Variants in TNRC18 observed in about 807,000 individuals in gnomAD.
The protein encoded by TNRC18 is trinucleotide repeat containing 18.
TNRC18 carries 69 observed loss-of-function variants against 226.7 expected under a neutral mutation model. The ratio of observed to expected loss-of-function variants is 0.30; its 90% CI spans 0.25 to 0.37. TNRC18 has a LOEUF of 0.37. TNRC18 is among the 10% of genes least tolerant of loss of function. The pLI, the probability that TNRC18 is intolerant of heterozygous loss-of-function variation, is 1.00. For missense variants in TNRC18, 4,754 were observed against 4,256.6 expected, an observed-to-expected ratio of 1.12 and a Z score of -3.25; for synonymous variants, 2,449 against 1,927.6, an observed-to-expected ratio of 1.27 and a Z score of -7.09.
intron 5 of TNRC18, 146 bp from the exon 6 acceptor site, chr7:5,378,170 T>A (rs1351620254): frequency 2.9e-5 from 18 of 616,114 alleles, no homozygotes; most frequent in African/African-American, 2.8e-4. Context: ...CACCCCAACA[T>A]CTTTCCTTAT....
In TNRC18 at chr7:5,385,357, G is replaced by A. The variant is rs370609357; in HGVS notation, c.2152+2315C>T. ...CAAAAAATTAGCCGGGCGCGGTGGC[G>A]GGCGCCTGTAGTCCCAGCTACTGGG... On this transcript the variant is annotated intron_variant, in intron 5 of 29. Coordinates refer to ENST00000430969, the MANE Select transcript of TNRC18 (RefSeq NM_001080495.3). 5.9e-5 allele frequency among the ~76,000 whole-genome samples: 9 copies of A among 152,024 alleles called. No homozygotes were observed. The South Asian group carries it at 6.2e-4, about 11-fold the overall frequency.
intron 14 of TNRC18, among the ~76,000 whole-genome samples, chr7:5,361,370 G>A (rs1001165079): frequency 1.4e-4 from 21 of 152,228 alleles, no homozygotes; most frequent in African/African-American, 4.6e-4. Context: ...GTTAGGACAC[G>A]GGAAAAATCT....
rs140639501 is a variant in TNRC18, at chr7:5,417,361, T to C, written c.187+3699A>G. Among the ~76,000 whole-genome samples, 931 of 151,858 alleles carry C rather than the reference T, an allele frequency of 6.1e-3. 11 individuals are homozygous for C. The highest frequency in any genetic ancestry group is 0.021 in the African/African-American group (887 of 41,358). On this transcript the variant is annotated intron_variant, in intron 2 of 29. Coordinates refer to ENST00000430969, the MANE Select transcript of TNRC18 (RefSeq NM_001080495.3). ...GACACATGCCTGTAGCTCTAGCTAC[T>C]CGGGAGGCTGAGGTAGGAGGATGGA... is the stretch of plus-strand genomic sequence containing the variant.
At position 5,370,356 on chromosome 7, in the gene TNRC18, A is replaced by AG; in HGVS notation, c.4219+18dup. 6.5e-7 allele frequency: 1 copy of AG among 1,531,382 alleles called. No homozygotes were observed. The highest frequency in any genetic ancestry group is 8.8e-7 in the Non-Finnish European group (1 of 1,138,878). 94.9% of individuals were successfully genotyped at this position (1,531,382 alleles called of 1,614,324 possible). ...TAAAACTCACGAATCTGCAGAACTC[A>AG]GAGGTCGCGCACTCTCACCTCCCAT... is the stretch of plus-strand genomic sequence containing the variant. On this transcript the variant is annotated intron_variant, in intron 11 of 29. Coordinates refer to ENST00000430969, the MANE Select transcript of TNRC18 (RefSeq NM_001080495.3).
intron 15 of TNRC18, 114 bp from the exon 16 acceptor site, chr7:5,357,390 T>A: frequency 8.7e-7 from 1 of 1,146,608 alleles, no homozygotes; most frequent in South Asian, 1.6e-5. Flanking sequence ...CTCTGTGATT[T>A]AACTCCTCTT....
chr7:5,318,603 AAC>A (rs5882053), intron 24 of TNRC18, among the ~76,000 whole-genome samples: 84,499 of 150,932 alleles, frequency 0.56, 24,765 homozygotes, highest in East Asian at 0.7. Context: ...GCATGATGAG[AAC>A]ACACACACAC....
intron 18 of TNRC18, among the ~76,000 whole-genome samples, chr7:5,334,336 G>A (rs999800906): frequency 1.3e-5 from 2 of 151,200 alleles, no homozygotes; most frequent in Admixed American, 6.6e-5. Context: ...TCGCTTTGTC[G>A]CCCAGGCTGG....
Position 5,371,279 on chromosome 7 carries a change from G to A in TNRC18, c.3315C>T (p.Ala1105=), listed in dbSNP as rs747539127. 30 of 1,584,298 alleles carry A rather than the reference G, an allele frequency of 1.9e-5. 1 individual carries two copies. The East Asian group carries it at 2.7e-4, about 14-fold the overall frequency. Residue 1105 remains alanine, a synonymous_variant, in exon 11 of 30, where the codon GCC becomes GCT. Coordinates refer to ENST00000430969, the MANE Select transcript of TNRC18 (RefSeq NM_001080495.3). ...CATCAGGGGCCAAGCCGTCCGCGTC[G>A]GCGGCGGCCGTGGGCTGCAGCAGGA... ...YPFLLQPTAA[A]DADGLAPDVP...
chr7:5,382,200 G>A (rs1031242257), intron 5 of TNRC18, among the ~76,000 whole-genome samples: 1 of 152,088 alleles, frequency 6.6e-6, no homozygotes, highest in African/African-American at 2.4e-5. Flanking sequence ...ACATGGAGGC[G>A]TCATGGCTGT....
intron 18 of TNRC18, 45 bp downstream of exon 18, chr7:5,345,517 G>GCCCCCCCCACCCCCCCCCCC: frequency 2.6e-6 from 1 of 377,744 alleles, no homozygotes; most frequent in Non-Finnish European, 4.8e-6. Flanking sequence ...AATGGCGTCC[G>GCCCCCCCCACCCCCCCCCCC]CCCCTCCCAC....
chr7:5,313,792 T>C lies in TNRC18; in HGVS notation c.7099A>G (p.Ser2367Gly), dbSNP rs753700845. The C allele has an allele frequency of 7.2e-6, 11 of 1,535,134 alleles. No individual in the cohort carries two copies. The East Asian group carries it at 2.5e-4, about 35-fold the overall frequency. ...VPSTPLALEP[S>G]STPGSKKSPP... ...CTCTTCTTGGAACCTGGGGTGCTGC[T>C]CGGCTCCAGGGCTAAGGGGGTACTG... Residue 2367 changes from serine to glycine, a missense_variant, in exon 27 of 30, where the codon AGC becomes GGC. Transcript: ENST00000430969.
intron 15 of TNRC18, among the ~76,000 whole-genome samples, chr7:5,359,147 G>T (rs1792764734): frequency 6.6e-6 from 1 of 152,220 alleles, no homozygotes; most frequent in Admixed American, 6.5e-5. Flanking sequence ...AGCACACAGA[G>T]GGAGATAGCT....
At chr7:5,363,852 A>G (rs979988041) in intron 11 of TNRC18, among the ~76,000 whole-genome samples, 1 of 104,400 alleles carries the variant, frequency 9.6e-6, no homozygotes, top group African/African-American at 4.2e-5. Context: ...ACCAAGCAGA[A>G]AGGTGTAAAA....
At chr7:5,335,789 C>A (rs899666951) in intron 18 of TNRC18, among the ~76,000 whole-genome samples, 7 of 150,088 alleles carry the variant, frequency 4.7e-5, no homozygotes, top group African/African-American at 1.7e-4. Context: ...GACTTCAAGT[C>A]CCACCAAGGA....
intron 29 of TNRC18, 51 bp from the exon 30 acceptor site, chr7:5,308,363 A>G (rs1025817913): frequency 4.0e-6 from 6 of 1,510,850 alleles, no homozygotes; most frequent in Non-Finnish European, 5.4e-6. Flanking sequence ...ACAGAGGCCG[A>G]GGGAGCCCCA....
chr7:5,363,620 A>G (rs2128163928), intron 11 of TNRC18, among the ~76,000 whole-genome samples: 1 of 152,084 alleles, frequency 6.6e-6, no homozygotes, highest in African/African-American at 2.4e-5. Flanking sequence ...TCAATCAATC[A>G]ATCGAACAGG....
chr7:5,391,158 C>T (rs539585600), intron 3 of TNRC18, among the ~76,000 whole-genome samples: 12 of 152,086 alleles, frequency 7.9e-5, no homozygotes, highest in African/African-American at 2.2e-4. Context: ...TTCTCTGAAC[C>T]TCAGCGGACC....
At chr7:5,411,515 C>CA (rs764197407) in intron 2 of TNRC18, among the ~76,000 whole-genome samples, 19,380 of 65,092 alleles carry the variant, frequency 0.3, 2,322 homozygotes, top group South Asian at 0.35. Flanking sequence ...AAGACTCTGT[C>CA]AAAAAAAAAA....
chr7:5,372,395 A>G (rs1204645922), intron 10 of TNRC18, among the ~76,000 whole-genome samples: 1 of 146,574 alleles, frequency 6.8e-6, no homozygotes, highest in East Asian at 2.0e-4. Flanking sequence ...CTAATTTTTT[A>G]TATTTTTAGT....
Sources: allele counts gnomAD v4.1 joint callset (sites outside exome capture counted in the v4.1 genomes callset), GRCh38; gene constraint gnomAD v4.1.1; transcripts MANE v1.5; gene names NCBI Gene and HGNC (gene_info 2026-07-23, HGNC 2026-07-21).